OR5D16: variants seen among roughly 807,000 people sequenced by gnomAD.
The protein encoded by OR5D16 is olfactory receptor 5D16.
For synonymous variants in OR5D16, 185 were observed against 153.2 expected (o/e 1.21, Z -1.53); for missense variants, 477 against 385.5 (o/e 1.24, Z -1.99).
Position 55,839,581 on chromosome 11 carries a change from C to T in OR5D16, c.830C>T (p.Ser277Phe), listed in dbSNP as rs61896326. The change falls in exon 1 of 1, where the codon TCT becomes TTT. Residue 277 changes from serine to phenylalanine, a missense_variant. Transcript: ENST00000378396. ...TCCAGGCACACAGTCAAAGTGGCCT[C>T]TGTGTTTTACACCGTGGTGATCCCC... ...KNSRHTVKVA[S>F]VFYTVVIPLL... 0.072 allele frequency: 116,942 copies of T among 1,613,908 alleles called. 4,879 individuals are homozygous for T. The highest frequency in any genetic ancestry group is 0.082 in the Non-Finnish European group (97,033 of 1,179,894).
chr11:55,838,855 C>A lies in OR5D16; in HGVS notation c.104C>A (p.Ala35Glu). The change falls in exon 1 of 1, where the codon GCA (alanine) becomes GAA (glutamate). Residue 35 changes from alanine to glutamate, a missense_variant. Coordinates refer to ENST00000378396, the MANE Select transcript of OR5D16 (RefSeq NM_001005496.1). ...LQIPLFFVFL[A>E]VYGFSVVGNL... ...ATTCCCCTCTTCTTTGTATTTCTGG[C>A]AGTCTACGGCTTCAGTGTGGTAGGG... 6.2e-7 allele frequency: 1 copy of A among 1,613,926 alleles called. No homozygotes were observed. The highest frequency in any genetic ancestry group is 1.1e-5 in the South Asian group (1 of 91,086).
rs1463535698 is a variant in OR5D16 at position 55,839,152 on chromosome 11, A to C, written c.401A>C (p.Tyr134Ser). The change falls in exon 1 of 1, where the codon TAC (tyrosine) becomes TCC (serine). Residue 134 changes from tyrosine (Y) to serine (S), a missense_variant. Transcript: ENST00000378396. ...GTGGCCATTTGCAATCCTCTGCTCT[A>C]CACAGTTGCCATCTCCCAGAAACTC... ...HFVAICNPLLYTVAISQKLCA... is the reference protein window; with the variant it reads ...HFVAICNPLLSTVAISQKLCA... 2 of 1,613,998 alleles carry C rather than the reference A, an allele frequency of 1.2e-6. No individual in the cohort carries two copies. The highest frequency in any genetic ancestry group is 3.3e-5 in the Admixed American group (2 of 59,988).
rs1854053925 is a variant in OR5D16 at position 55,839,161 on chromosome 11, C to T, written c.410C>T (p.Ala137Val). 5 of 1,614,004 alleles carry T rather than the reference C, an allele frequency of 3.1e-6. No individual in the cohort carries two copies. The highest frequency in any genetic ancestry group is 1.7e-5 in the Admixed American group (1 of 59,992). ...TGCAATCCTCTGCTCTACACAGTTGCCATCTCCCAGAAACTCTGTGCCATG... is the reference window on the plus strand; with the variant it reads ...TGCAATCCTCTGCTCTACACAGTTGTCATCTCCCAGAAACTCTGTGCCATG... ...AICNPLLYTV[A>V]ISQKLCAMLV... is the part of the protein sequence containing the mutation. Residue 137 changes from alanine (A) to valine (V), a missense_variant, in exon 1 of 1, where the codon GCC (alanine) becomes GTC (valine). Coordinates refer to ENST00000378396, the MANE Select transcript of OR5D16 (RefSeq NM_001005496.1).
rs1306487184 is a variant in OR5D16, at chr11:55,839,002, T to C, written c.251T>C (p.Leu84Pro). The part of the protein sequence containing the change: ...CYSSIIAPMM[L>P]VNLVVEDRTI... ...TCCTCCATCATTGCTCCCATGATGC[T>C]GGTGAACCTGGTTGTAGAAGATAGA... is the stretch of plus-strand genomic sequence containing the variant. Residue 84 changes from leucine to proline, a missense_variant, in exon 1 of 1, where the codon CTG (leucine) becomes CCG (proline). By Grantham distance (98) the Leu-to-Pro change is moderately conservative. Transcript: ENST00000378396. The C allele has an allele frequency of 1.2e-6, 2 of 1,614,122 alleles. No individual in the cohort carries two copies. The highest frequency in any genetic ancestry group is 1.7e-5 in the Admixed American group (1 of 60,006).
Position 55,838,845 on chromosome 11 carries a change from G to T in OR5D16, c.94G>T (p.Val32Leu), listed in dbSNP as rs756352062. Reference sequence around the variant, plus strand: ...GGAACTGCAAATTCCCCTCTTCTTTGTATTTCTGGCAGTCTACGGCTTCAG... The same window carrying T: ...GGAACTGCAAATTCCCCTCTTCTTTTTATTTCTGGCAGTCTACGGCTTCAG... ...YLELQIPLFF[V>L]FLAVYGFSVV... Residue 32 changes from valine to leucine, a missense_variant, in exon 1 of 1, where the codon GTA becomes TTA. Coordinates refer to ENST00000378396, the MANE Select transcript of OR5D16 (RefSeq NM_001005496.1). 2.5e-6 allele frequency: 4 copies of T among 1,613,978 alleles called. No individual in the cohort carries two copies. The highest frequency in any genetic ancestry group is 3.4e-6 in the Non-Finnish European group (4 of 1,179,916).
At position 55,839,431 on chromosome 11, in the gene OR5D16, C is replaced by T; in HGVS notation, c.680C>T (p.Thr227Ile). 1 of 1,614,024 alleles carries T rather than the reference C, an allele frequency of 6.2e-7. No homozygotes were observed. The highest frequency in any genetic ancestry group is 8.5e-7 in the Non-Finnish European group (1 of 1,179,942). Residue 227 changes from threonine (T) to isoleucine (I), a missense_variant, in exon 1 of 1, where the codon ACC becomes ATC. By Grantham distance (89) the Thr-to-Ile change is moderately conservative (BLOSUM62 -1). Transcript: ENST00000378396. ...LTSYAFIIVT[T>I]LKMPSASGHR... ...TCTTATGCATTCATCATTGTCACCA[C>T]CTTGAAGATGCCTTCAGCCAGTGGG...
Position 55,839,393 on chromosome 11 carries a change from C to T in OR5D16, c.642C>T (p.Leu214=). The T allele has an allele frequency of 1.2e-6, 2 of 1,613,980 alleles. No homozygotes were observed. The highest frequency in any genetic ancestry group is 1.3e-5 in the African/African-American group (1 of 75,034). Residue 214 remains leucine, a synonymous_variant, in exon 1 of 1, where the codon CTC becomes CTT. Coordinates refer to ENST00000378396, the MANE Select transcript of OR5D16 (RefSeq NM_001005496.1). ...CTTTTAATGAGATAAGCACACTACTCATCATTCTGACATCTTATGCATTCA... is the reference window on the plus strand; with the variant it reads ...CTTTTAATGAGATAAGCACACTACTTATCATTCTGACATCTTATGCATTCA... ...VATFNEISTL[L]IILTSYAFII...
rs1480691263 is a variant in OR5D16 at position 55,838,983 on chromosome 11, A to G, written c.232A>G (p.Ile78Val). 1 of 1,613,998 alleles carries G rather than the reference A, an allele frequency of 6.2e-7. No individual in the cohort carries two copies. Among genetic ancestry groups the G allele is most frequent in the Non-Finnish European group, 8.5e-7 (1 of 1,179,940 alleles). ...CTTTGTGGATTTCTGCTATTCCTCC[A>G]TCATTGCTCCCATGATGCTGGTGAA... Reference protein sequence around the residue: ...LSFVDFCYSSIIAPMMLVNLV... With the variant: ...LSFVDFCYSSVIAPMMLVNLV... Residue 78 changes from isoleucine to valine, a missense_variant, in exon 1 of 1, where the codon ATC becomes GTC. Coordinates refer to ENST00000378396, the MANE Select transcript of OR5D16 (RefSeq NM_001005496.1).
In OR5D16 at chr11:55,839,561, G is replaced by A. The variant is rs1854066805; in HGVS notation, c.810G>A (p.Arg270=). 6.2e-7 allele frequency: 1 copy of A among 1,613,908 alleles called. No individual in the cohort carries two copies. Among genetic ancestry groups the A allele is most frequent in the Non-Finnish European group, 8.5e-7 (1 of 1,179,952 alleles). ...GTGTACCCAACTCCAAAAACTCCAG[G>A]CACACAGTCAAAGTGGCCTCTGTGT... is the stretch of plus-strand genomic sequence containing the variant. ...LYCVPNSKNS[R]HTVKVASVFY... Residue 270 remains arginine, a synonymous_variant, in exon 1 of 1, where the codon AGG becomes AGA. Coordinates refer to ENST00000378396, the MANE Select transcript of OR5D16 (RefSeq NM_001005496.1).
At position 55,839,093 on chromosome 11, in the gene OR5D16, A is replaced by G. The variant is rs1359771494; in HGVS notation, c.342A>G (p.Leu114=). The G allele has an allele frequency of 6.2e-7, 1 of 1,613,980 alleles. No individual in the cohort carries two copies. The part of the protein sequence containing the change: ...FFFCTFVVTE[L]ILFAVMAYDH... ...TTTGCACCTTTGTAGTGACTGAATTAATTCTATTTGCGGTGATGGCCTATG... is the reference window on the plus strand; with the variant it reads ...TTTGCACCTTTGTAGTGACTGAATTGATTCTATTTGCGGTGATGGCCTATG... The change falls in exon 1 of 1, where the codon TTA becomes TTG. Residue 114 remains leucine (L), a synonymous_variant. Transcript: ENST00000378396.
rs759586228 is a variant in OR5D16 at position 55,838,828 on chromosome 11, A to C, written c.77A>C (p.Gln26Pro). 1.2e-6 allele frequency: 2 copies of C among 1,613,828 alleles called. No individual in the cohort carries two copies. The highest frequency in any genetic ancestry group is 3.3e-5 in the Admixed American group (2 of 59,996). Residue 26 changes from glutamine (Q) to proline (P), a missense_variant, in exon 1 of 1, where the codon CAA becomes CCA. Coordinates refer to ENST00000378396, the MANE Select transcript of OR5D16 (RefSeq NM_001005496.1). Reference protein sequence around the residue: ...LLGFSDYLELQIPLFFVFLAV... With the variant: ...LLGFSDYLELPIPLFFVFLAV... ...GGCTTCTCAGATTACCTGGAACTGCAAATTCCCCTCTTCTTTGTATTTCTG... is the reference window on the plus strand; with the variant it reads ...GGCTTCTCAGATTACCTGGAACTGCCAATTCCCCTCTTCTTTGTATTTCTG...
rs1172679562 is a variant in OR5D16 at position 55,838,992 on chromosome 11, C to T, written c.241C>T (p.Pro81Ser). Residue 81 changes from proline (P) to serine (S), a missense_variant, in exon 1 of 1, where the codon CCC becomes TCC. Pro to Ser is a moderately conservative substitution (Grantham distance 74). Transcript: ENST00000378396. Reference protein sequence around the residue: ...VDFCYSSIIAPMMLVNLVVED... With the variant: ...VDFCYSSIIASMMLVNLVVED... ...TTTCTGCTATTCCTCCATCATTGCT[C>T]CCATGATGCTGGTGAACCTGGTTGT... 3.1e-6 allele frequency: 5 copies of T among 1,613,958 alleles called. No homozygotes were observed. The highest frequency in any genetic ancestry group is 2.2e-5 in the East Asian group (1 of 44,874).
Position 55,838,884 on chromosome 11 carries a change from C to G in OR5D16, c.133C>G (p.Leu45Val), listed in dbSNP as rs1854046226. Residue 45 changes from leucine to valine, a missense_variant, in exon 1 of 1, where the codon CTT becomes GTT. Coordinates refer to ENST00000378396, the MANE Select transcript of OR5D16 (RefSeq NM_001005496.1). ...AVYGFSVVGN[L>V]GMIVIIKINP... ...CTACGGCTTCAGTGTGGTAGGGAAT[C>G]TTGGGATGATAGTGATCATCAAAAT... 1 of 1,613,964 alleles carries G rather than the reference C, an allele frequency of 6.2e-7. No homozygotes were observed. Among genetic ancestry groups the G allele is most frequent in the Non-Finnish European group, 8.5e-7 (1 of 1,179,924 alleles).
rs760882579 is a variant in OR5D16, at chr11:55,838,925, T to C, written c.174T>C (p.His58=). The C allele has an allele frequency of 1.9e-6, 3 of 1,613,976 alleles. No homozygotes were observed. Among genetic ancestry groups the C allele is most frequent in the South Asian group, 1.1e-5 (1 of 91,086 alleles). The change falls in exon 1 of 1, where the codon CAT becomes CAC. Residue 58 remains histidine, a synonymous_variant. Coordinates refer to ENST00000378396, the MANE Select transcript of OR5D16 (RefSeq NM_001005496.1). ...TCATCAAAATTAACCCAAAATTGCA[T>C]ACCCCCATGTATTTTTTCCTCAACC... The part of the protein sequence containing the change: ...IVIIKINPKL[H]TPMYFFLNHL...
rs1854067908 is a variant in OR5D16 at position 55,839,594 on chromosome 11, CG to C, written c.844del (p.Val282TrpfsTer2). The C allele has an allele frequency of 3.1e-6, 5 of 1,613,812 alleles. No individual in the cohort carries two copies. The highest frequency in any genetic ancestry group is 4.2e-6 in the Non-Finnish European group (5 of 1,179,934). Reference sequence around the variant, plus strand: ...TCAAAGTGGCCTCTGTGTTTTACACCGTGGTGATCCCCTTGTTGAATCCCCT... The same window carrying C: ...TCAAAGTGGCCTCTGTGTTTTACACCTGGTGATCCCCTTGTTGAATCCCCT... ...TVKVASVFYT[V>X]VIPLLNPLIY... On this transcript the variant is annotated frameshift_variant, in exon 1 of 1. Coordinates refer to ENST00000378396, the MANE Select transcript of OR5D16 (RefSeq NM_001005496.1). LOFTEE classifies it low-confidence loss of function (END_TRUNC).
chr11:55,838,866 T>C lies in OR5D16; in HGVS notation c.115T>C (p.Phe39Leu). The C allele has an allele frequency of 6.2e-7, 1 of 1,614,036 alleles. No individual in the cohort carries two copies. Among genetic ancestry groups the C allele is most frequent in the Non-Finnish European group, 8.5e-7 (1 of 1,179,960 alleles). Residue 39 changes from phenylalanine to leucine, a missense_variant, in exon 1 of 1, where the codon TTC becomes CTC. Coordinates refer to ENST00000378396, the MANE Select transcript of OR5D16 (RefSeq NM_001005496.1). ...CTTTGTATTTCTGGCAGTCTACGGC[T>C]TCAGTGTGGTAGGGAATCTTGGGAT... Reference protein sequence around the residue: ...LFFVFLAVYGFSVVGNLGMIV... With the variant: ...LFFVFLAVYGLSVVGNLGMIV...
Position 55,839,016 on chromosome 11 carries a change from G to A in OR5D16, c.265G>A (p.Val89Ile), listed in dbSNP as rs1225309379. 4 of 1,613,936 alleles carry A rather than the reference G, an allele frequency of 2.5e-6. No individual in the cohort carries two copies. The highest frequency in any genetic ancestry group is 2.7e-5 in the African/African-American group (2 of 74,896). ...IAPMMLVNLV[V>I]EDRTISFSGC... is the part of the protein sequence containing the mutation. Reference sequence around the variant, plus strand: ...TCCCATGATGCTGGTGAACCTGGTTGTAGAAGATAGAACCATTTCATTCTC... The same window carrying A: ...TCCCATGATGCTGGTGAACCTGGTTATAGAAGATAGAACCATTTCATTCTC... The change falls in exon 1 of 1, where the codon GTA (valine) becomes ATA (isoleucine). Residue 89 changes from valine to isoleucine, a missense_variant. By Grantham distance (29) the Val-to-Ile change is conservative. Transcript: ENST00000378396.
At position 55,839,466 on chromosome 11, in the gene OR5D16, G is replaced by A. The variant is rs771178754; in HGVS notation, c.715G>A (p.Val239Ile). The change falls in exon 1 of 1, where the codon GTC becomes ATC. Residue 239 changes from valine (V) to isoleucine (I), a missense_variant. By Grantham distance (29) the Val-to-Ile change is conservative. Transcript: ENST00000378396. ...KMPSASGHRK[V>I]FSTCASHLTA... is the part of the protein sequence containing the mutation. ...GCCTTCAGCCAGTGGGCACCGCAAA[G>A]TCTTCTCCACCTGTGCCTCCCACCT... 1.2e-6 allele frequency: 2 copies of A among 1,613,960 alleles called. No individual in the cohort carries two copies. The highest frequency in any genetic ancestry group is 1.7e-6 in the Non-Finnish European group (2 of 1,179,946).
chr11:55,839,217 G>T lies in OR5D16; in HGVS notation c.466G>T (p.Ala156Ser), dbSNP rs6591700. The T allele has an allele frequency of 3.8e-4, 621 of 1,613,556 alleles. No homozygotes were observed. Among genetic ancestry groups the T allele is most frequent in the Non-Finnish European group, 4.7e-4 (559 of 1,179,876 alleles). ...GGTTGTATTGTATGCATGGGGAGTCGCATGTTCCCTGACACTCGCGTGCTC... is the reference window on the plus strand; with the variant it reads ...GGTTGTATTGTATGCATGGGGAGTCTCATGTTCCCTGACACTCGCGTGCTC... ...LVVVLYAWGV[A>S]CSLTLACSAL... Residue 156 changes from alanine to serine, a missense_variant, in exon 1 of 1, where the codon GCA becomes TCA. Coordinates refer to ENST00000378396, the MANE Select transcript of OR5D16 (RefSeq NM_001005496.1).
Sources: allele counts gnomAD v4.1 joint callset, GRCh38; gene constraint gnomAD v4.1.1; transcripts MANE v1.5; gene names NCBI Gene and HGNC (gene_info 2026-07-23, HGNC 2026-07-21).